The following SLC44A2 variants were observed in gnomAD, a reference collection of about 807,000 sequenced individuals.
SLC44A2 encodes solute carrier family 44 member 2 (CTL2 blood group), also known as choline transporter-like protein 2.
Under a neutral mutation model 90.8 loss-of-function variants are expected in SLC44A2, and 57 were observed. That is an observed-to-expected ratio of 0.63 (90% CI 0.51 to 0.78). The LOEUF is 0.78. SLC44A2 is among the 30% of genes least tolerant of loss of function. The pLI is 0.00. For missense variants in SLC44A2, 794 were observed against 919.7 expected (o/e 0.86, Z 1.77); for synonymous variants, 355 against 360.7 (o/e 0.98, Z 0.18).
In SLC44A2 at chr19:10,631,690, G is replaced by T. The variant is rs753988196; in HGVS notation, c.567G>T (p.Thr189=). The change falls in exon 8 of 22, where the codon ACG becomes ACT. Residue 189 remains threonine, a synonymous_variant. Coordinates refer to ENST00000335757, the MANE Select transcript of SLC44A2 (RefSeq NM_020428.4). ...YKGVLMVGNE[T]TYEDGHGSRK... is the part of the protein sequence containing the mutation. ...GTGTCCTGATGGTGGGCAATGAGAC[G>T]ACCTATGAGGATGGGCATGGCTCCC... The T allele has an allele frequency of 2.5e-6, 4 of 1,613,132 alleles. No homozygotes were observed. In the South Asian group the frequency reaches 3.3e-5, roughly 13 times the overall value.
In SLC44A2 at chr19:10,636,376, C is replaced by T. The variant is rs772215642; in HGVS notation, c.1287C>T (p.Phe429=). The T allele has an allele frequency of 1.2e-6, 2 of 1,613,994 alleles. No homozygotes were observed. The highest frequency in any genetic ancestry group is 1.7e-5 in the Admixed American group (1 of 59,970). Residue 429 remains phenylalanine (F), a synonymous_variant, in exon 15 of 22, where the codon TTC becomes TTT. Coordinates refer to ENST00000335757, the MANE Select transcript of SLC44A2 (RefSeq NM_020428.4). ...AATGCCCCAATGCCCGTTGCCAGTT[C>T]GCCTTCTACGGTGGTGAGTCGGGCT... The part of the protein sequence containing the change: ...SRQCPNARCQ[F]AFYGGESGYH...
At chr19:10,625,753 A>G in intron 1 of SLC44A2, 83 bp downstream of exon 1, 1 of 1,157,732 alleles carries the variant, frequency 8.6e-7, no homozygotes, top group Non-Finnish European at 1.1e-6. Context: ...GGGCGCAGGG[A>G]AGGGGGCTGG....
chr19:10,627,654 G>A (rs1159148283), intron 2 of SLC44A2, 68 bp from the exon 3 acceptor site: 2 of 1,543,968 alleles, frequency 1.3e-6, no homozygotes, highest in African/African-American at 2.7e-5. Context: ...GGTGTTTGCA[G>A]AGGGCAGATG....
chr19:10,626,553 A>AAGC (rs1374614112), intron 2 of SLC44A2, among the ~76,000 whole-genome samples: 1 of 148,348 alleles, frequency 6.7e-6, no homozygotes, highest in African/African-American at 2.5e-5. Flanking sequence ...AGCTGGGATT[A>AAGC]CAGGCTTGCA....
chr19:10,641,287 G>T (rs1035614188), intron 20 of SLC44A2: 1 of 382,050 alleles, frequency 2.6e-6, no homozygotes, highest in Non-Finnish European at 5.1e-6. Flanking sequence ...CCAGCTCCTT[G>T]TAAGCCTGAG....
At chr19:10,615,180 T>C (rs10419401) in intron 1 of SLC44A2, among the ~76,000 whole-genome samples, 14,007 of 150,246 alleles carry the variant, frequency 0.093, 678 homozygotes, top group Middle Eastern at 0.12. Context: ...CCTGTAATCA[T>C]AGCACTTTGG....
chr19:10,632,010 T>G, intron 9 of SLC44A2, 34 bp from the exon 10 acceptor site: 1 of 1,612,802 alleles, frequency 6.2e-7, no homozygotes, highest in Non-Finnish European at 8.5e-7. Flanking sequence ...TGGCTGAGGG[T>G]GGAGTCTGTT....
At chr19:10,610,884 C>G (rs551493173) in intron 1 of SLC44A2, among the ~76,000 whole-genome samples, 45 of 151,452 alleles carry the variant, frequency 3.0e-4, no homozygotes, top group African/African-American at 1.0e-3. Context: ...AAGTGATCCG[C>G]TCGCCTCGGC....
intron 20 of SLC44A2, among the ~76,000 whole-genome samples, chr19:10,641,579 G>A (rs529561763): frequency 2.6e-5 from 4 of 152,062 alleles, no homozygotes; most frequent in Non-Finnish European, 5.9e-5. Flanking sequence ...GAGGCTGAGT[G>A]CAGTGGCTCA....
rs1457830034 is a variant in SLC44A2 at position 10,636,521 on chromosome 19, G to T, written c.1432G>T (p.Ala478Ser). ...CGGGGCCTTTGCCTCCTACTACTGG[G>T]CCCTGCGCAAGCCGGACGACCTGCC... ...LAGAFASYYW[A>S]LRKPDDLPAF... The change falls in exon 15 of 22, where the codon GCC becomes TCC. Residue 478 changes from alanine (A) to serine (S), a missense_variant. This residue lies in a region of SLC44A2 where 738 missense variants were observed against 841.1 expected (regional missense o/e 0.88). Transcript: ENST00000335757. The T allele has an allele frequency of 6.2e-7, 1 of 1,611,300 alleles. No homozygotes were observed.
chr19:10,605,790 T>C (rs537578521), intron 1 of SLC44A2, among the ~76,000 whole-genome samples: 44 of 151,684 alleles, frequency 2.9e-4, no homozygotes, highest in African/African-American at 9.7e-4. Flanking sequence ...GGTCAGGAGA[T>C]CGAGGCCAGC....
chr19:10,625,686 C>T lies in SLC44A2; in HGVS notation c.37+16C>T. ...GGGAAACACGGTAGGCAGCGACCCC[C>T]GCCCGTAGCCCCGGGCCGACCCCTC... On this transcript the variant is annotated intron_variant, in intron 1 of 21. Coordinates refer to ENST00000335757, the MANE Select transcript of SLC44A2 (RefSeq NM_020428.4). The T allele has an allele frequency of 1.6e-6, 2 of 1,249,000 alleles. 1 individual carries two copies. The highest frequency in any genetic ancestry group is 4.4e-4 in the Middle Eastern group (2 of 4,546). The allele number at this position is 1,249,000 out of a possible 1,614,324, so 77.4% of individuals were successfully genotyped here.
intron 20 of SLC44A2, among the ~76,000 whole-genome samples, chr19:10,639,559 T>C (rs748990059): frequency 1.8e-4 from 27 of 151,322 alleles, no homozygotes; most frequent in Non-Finnish European, 3.5e-4. Context: ...CAGGAAGCAG[T>C]GGGGCTGACG....
rs199571510 is a variant in SLC44A2, at chr19:10,643,392, C to G, written c.*7C>G. 1 of 1,605,340 alleles carries G rather than the reference C, an allele frequency of 6.2e-7. No individual in the cohort carries two copies. Among genetic ancestry groups the G allele is most frequent in the Non-Finnish European group, 8.5e-7 (1 of 1,175,090 alleles). ...GAAGGCAGCGGAGTCCTGAAGGCCC[C>G]GTGCTCCCCACCTCTCAAGGAGTCT... On this transcript the variant is annotated 3_prime_UTR_variant, in exon 22 of 22. Transcript: ENST00000335757.
In SLC44A2 at chr19:10,637,678, C is replaced by G; in HGVS notation, c.1626C>G (p.Thr542=). Residue 542 remains threonine (T), a synonymous_variant, in exon 17 of 22, where the codon ACC becomes ACG. Transcript: ENST00000335757. ...AENKFAKCLM[T]CLKCCFWCLE... ...ACAAGTTTGCCAAGTGCCTCATGAC[C>G]TGTCTCAAATGCTGCTTCTGGTGCC... The G allele has an allele frequency of 6.2e-7, 1 of 1,614,130 alleles. No homozygotes were observed. Among genetic ancestry groups the G allele is most frequent in the Non-Finnish European group, 8.5e-7 (1 of 1,180,026 alleles).
Position 10,638,230 on chromosome 19 carries a change from T to G in SLC44A2, c.1844T>G (p.Ile615Ser). Reference sequence around the variant, plus strand: ...TTGCTTTCTTCTCCTTCTCCAGGGATCCTGGCTTTCTTCTTCTTCACCCAC... The same window carrying G: ...TTGCTTTCTTCTCCTTCTCCAGGGAGCCTGGCTTTCTTCTTCTTCACCCAC... Reference protein sequence around the residue: ...GKLLIVGSVGILAFFFFTHRI... With the variant: ...GKLLIVGSVGSLAFFFFTHRI... Residue 615 changes from isoleucine to serine, a missense_variant, in exon 20 of 22, where the codon ATC (isoleucine) becomes AGC (serine). Around this residue, in one of 3 missense-constraint regions of SLC44A2, gnomAD observed 738 missense variants for 841.1 expected, o/e 0.88. Coordinates refer to ENST00000335757, the MANE Select transcript of SLC44A2 (RefSeq NM_020428.4). 1 of 1,614,148 alleles carries G rather than the reference T, an allele frequency of 6.2e-7. No individual in the cohort carries two copies. The highest frequency in any genetic ancestry group is 8.5e-7 in the Non-Finnish European group (1 of 1,180,034).
chr19:10,620,670 C>T (rs2066889011), upstream of SLC44A2, among the ~76,000 whole-genome samples: 1 of 152,146 alleles, frequency 6.6e-6, no homozygotes, highest in Non-Finnish European at 1.5e-5. Context: ...ACACAAATCC[C>T]TGTCCTTATG....
At chr19:10,606,628 T>C (rs1918111179) in intron 1 of SLC44A2, among the ~76,000 whole-genome samples, 1 of 152,012 alleles carries the variant, frequency 6.6e-6, no homozygotes, top group Non-Finnish European at 1.5e-5. Flanking sequence ...CTTACCAATA[T>C]CGTGAAACCC....
chr19:10,626,408 G>A, intron 2 of SLC44A2, 107 bp downstream of exon 2: 3 of 906,874 alleles, frequency 3.3e-6, no homozygotes, highest in Non-Finnish European at 5.3e-6. Context: ...ACAAATATTT[G>A]AAACTTTTTT....
Sources: allele counts gnomAD v4.1 joint callset (sites outside exome capture counted in the v4.1 genomes callset), GRCh38; gene constraint gnomAD v4.1.1; regional missense constraint gnomAD v4.1.1; transcripts MANE v1.5; gene names NCBI Gene and HGNC (gene_info 2026-07-23, HGNC 2026-07-21).